Variants in AGO2 observed in about 807,000 individuals in gnomAD.
AGO2 encodes protein argonaute-2.
Under a neutral mutation model 102.3 loss-of-function variants are expected in AGO2, and 5 were observed. That is an observed-to-expected ratio of 0.05 (90% CI 0.03 to 0.10). The LOEUF (loss-of-function observed/expected upper bound fraction) is 0.10. AGO2 is among the 10% of genes least tolerant of loss of function. AGO2 has a pLI of 1.00. For synonymous variants in AGO2, 449 were observed against 473.1 expected (o/e 0.95, Z 0.66); for missense variants, 541 against 1,183.7 (o/e 0.46, Z 7.97).
At chr8:140,597,480 C>CCCCCCCCCCCCCCA (rs2073864620) in intron 1 of AGO2, among the ~76,000 whole-genome samples, 6 of 132,124 alleles carry the variant, frequency 4.5e-5, no homozygotes, top group African/African-American at 1.6e-4. Flanking sequence ...CCCCACCCCC[C>CCCCCCCCCCCCCCA]CCCCCCCGCC....
intron 1 of AGO2, among the ~76,000 whole-genome samples, chr8:140,601,652 G>A (rs1452302528): frequency 6.6e-6 from 1 of 152,234 alleles, no homozygotes; most frequent in Admixed American, 6.5e-5. Context: ...GCATGTGTCT[G>A]CCAGCTAGAG....
intron 14 of AGO2, among the ~76,000 whole-genome samples, chr8:140,543,140 A>C (rs1182259506): frequency 6.6e-6 from 1 of 151,248 alleles, no homozygotes; most frequent in Non-Finnish European, 1.5e-5. Flanking sequence ...CTCACAAAAC[A>C]AAACAAAACA....
intron 3 of AGO2, among the ~76,000 whole-genome samples, chr8:140,569,106 C>A (rs1453928448): frequency 2.6e-5 from 4 of 152,248 alleles, no homozygotes; most frequent in Non-Finnish European, 5.9e-5. Context: ...CTGCCAGACA[C>A]CCCCATCCCA....
At chr8:140,625,504 C>G (rs756589804) in intron 1 of AGO2, among the ~76,000 whole-genome samples, 1 of 152,182 alleles carries the variant, frequency 6.6e-6, no homozygotes, top group South Asian at 2.1e-4. Context: ...TCTTTCATCC[C>G]TCGTATCCAG....
rs559026005 is a variant in AGO2, at chr8:140,607,109, C to T, written c.23-21798G>A. ...TACTAAAAATACGAAATTAGCTGGG[C>T]GTGGTGGTGCATGCTTGTAACCGCA... On this transcript the variant is annotated intron_variant, in intron 1 of 18. Coordinates refer to ENST00000220592, the MANE Select transcript of AGO2 (RefSeq NM_012154.5). 1.1e-4 allele frequency among the ~76,000 whole-genome samples: 16 copies of T among 152,004 alleles called. No individual in the cohort carries two copies. In the South Asian group the frequency reaches 1.2e-3, roughly 12 times the overall value.
At chr8:140,550,796 G>A (rs539102782) in intron 11 of AGO2, among the ~76,000 whole-genome samples, 54 of 151,998 alleles carry the variant, frequency 3.6e-4, no homozygotes, top group Non-Finnish European at 7.2e-4. Flanking sequence ...TCTATTTTTC[G>A]TAGAGATGGG....
chr8:140,637,020 T>G (rs1208080209), upstream of AGO2: 1 of 152,242 alleles, frequency 6.6e-6, no homozygotes, highest in Non-Finnish European at 1.5e-5. Context: ...TTACTCTAAG[T>G]GTCAGAATGG....
Position 140,629,119 on chromosome 8 carries a change from T to A in AGO2, c.22+6366A>T, listed in dbSNP as rs543754032. Among the ~76,000 whole-genome samples the A allele has an allele frequency of 3.9e-5, 6 of 152,120 alleles. No individual in the cohort carries two copies. In the South Asian group the frequency reaches 1.0e-3, roughly 26 times the overall value. On this transcript the variant is annotated intron_variant, in intron 1 of 18. Coordinates refer to ENST00000220592, the MANE Select transcript of AGO2 (RefSeq NM_012154.5). ...ATAAATAAATAAATAAATAAATTTT[T>A]AAAAATTCTAAAAACTAATAATAAA...
rs559210685 is a variant in AGO2, at chr8:140,578,884, G to A, written c.216-5952C>T. 1.6e-4 allele frequency among the ~76,000 whole-genome samples: 25 copies of A among 152,376 alleles called. No homozygotes were observed. The East Asian group carries it at 4.0e-3, about 25-fold the overall frequency. On this transcript the variant is annotated intron_variant, in intron 2 of 18. Coordinates refer to ENST00000220592, the MANE Select transcript of AGO2 (RefSeq NM_012154.5). ...ATGCCGAGAAGCAAGTGTCTGCCCCGTTTGCCTGTTTGCCCTTTTGTCATA... is the reference window on the plus strand; with the variant it reads ...ATGCCGAGAAGCAAGTGTCTGCCCCATTTGCCTGTTTGCCCTTTTGTCATA...
At chr8:140,548,289 C>A (rs2072936671) in intron 12 of AGO2, among the ~76,000 whole-genome samples, 2 of 139,482 alleles carry the variant, frequency 1.4e-5, no homozygotes, top group Non-Finnish European at 3.0e-5. Flanking sequence ...GCACTCCAGG[C>A]TAGGAGACAG....
intron 1 of AGO2, among the ~76,000 whole-genome samples, chr8:140,598,300 T>C (rs1426684739): frequency 6.6e-6 from 1 of 152,190 alleles, no homozygotes; most frequent in Non-Finnish European, 1.5e-5. Flanking sequence ...AAGAATTCTC[T>C]TCGGCAAAGG....
chr8:140,638,878 A>AT (rs1460685345), upstream of AGO2, among the ~76,000 whole-genome samples: 5 of 151,626 alleles, frequency 3.3e-5, no homozygotes, highest in Admixed American at 2.0e-4. Context: ...ACCTGACCTT[A>AT]TTTTTTTTGT....
chr8:140,524,292 C>T lies in AGO2; in HGVS notation c.*7752G>A, dbSNP rs1483741669. The T allele has an allele frequency of 6.6e-6, 1 of 152,156 alleles. No individual in the cohort carries two copies. The highest frequency in any genetic ancestry group is 1.5e-5 in the Non-Finnish European group (1 of 68,056). The allele number at this position is 152,156 out of a possible 1,614,324, so 9.4% of individuals were successfully genotyped here. On this transcript the variant is annotated 3_prime_UTR_variant, in exon 19 of 19. Coordinates refer to ENST00000220592, the MANE Select transcript of AGO2 (RefSeq NM_012154.5). Reference sequence around the variant, plus strand: ...TATTCTTCTCGAGTGACTATGAGAACAAGACCACCAGGCTTTGCTGATGGT... The same window carrying T: ...TATTCTTCTCGAGTGACTATGAGAATAAGACCACCAGGCTTTGCTGATGGT...
intron 12 of AGO2, 106 bp downstream of exon 12, chr8:140,549,008 G>A: frequency 7.3e-7 from 1 of 1,375,028 alleles, no homozygotes; most frequent in South Asian, 1.4e-5. Flanking sequence ...GGCCCAAAAG[G>A]AGCACCTTTC....
At chr8:140,559,658 T>G in intron 5 of AGO2, 129 bp from the exon 6 acceptor site, 1 of 1,237,528 alleles carries the variant, frequency 8.1e-7, no homozygotes, top group Non-Finnish European at 1.1e-6. Context: ...TCTCACTCCC[T>G]ACTGAGGCTA....
intron 1 of AGO2, among the ~76,000 whole-genome samples, chr8:140,622,222 G>A (rs1484075558): frequency 1.3e-5 from 2 of 152,126 alleles, no homozygotes; most frequent in African/African-American, 2.4e-5. Context: ...TAGTTCCCAG[G>A]GGCTGGGTGG....
chr8:140,556,152 G>T lies in AGO2; in HGVS notation c.1146+15C>A, dbSNP rs201423302. The stretch of plus-strand genomic sequence containing the variant: ...TGGATTCCACAGGGCAGCCCTGCCC[G>T]GGACTGACACTCACCAATTTGCTAA... On this transcript the variant is annotated intron_variant, in intron 9 of 18. Transcript: ENST00000220592. The T allele has an allele frequency of 6.2e-7, 1 of 1,614,046 alleles. No individual in the cohort carries two copies. Among genetic ancestry groups the T allele is most frequent in the South Asian group, 1.1e-5 (1 of 91,066 alleles).
At chr8:140,622,099 C>G (rs533069417) in intron 1 of AGO2, among the ~76,000 whole-genome samples, 9 of 152,296 alleles carry the variant, frequency 5.9e-5, no homozygotes, top group African/African-American at 2.2e-4. Context: ...GCCGTGTGAA[C>G]CGTGAAGACA....
At chr8:140,602,444 A>G (rs1024371274) in intron 1 of AGO2, among the ~76,000 whole-genome samples, 22 of 152,342 alleles carry the variant, frequency 1.4e-4, no homozygotes, top group African/African-American at 4.6e-4. Context: ...ATCACTGTAC[A>G]TTGTGAAAAG....
Sources: allele counts gnomAD v4.1 joint callset (sites outside exome capture counted in the v4.1 genomes callset), GRCh38; gene constraint gnomAD v4.1.1; transcripts MANE v1.5; gene names NCBI Gene and HGNC (gene_info 2026-07-23, HGNC 2026-07-21).